MBD5: variants seen among roughly 807,000 people sequenced by gnomAD.
The protein encoded by MBD5 is methyl-CpG-binding domain protein 5.
Under a neutral mutation model 117.3 loss-of-function variants are expected in MBD5, and 13 were observed. The ratio of observed to expected loss-of-function variants is 0.11; its 90% CI spans 0.07 to 0.18. MBD5 has a LOEUF of 0.18. Among genes scored for constraint, MBD5 ranks in the 10% least tolerant of loss-of-function variants. The probability of loss-of-function intolerance (pLI) is 1.00; values close to 1 mark genes in which losing one functional copy is unlikely to be tolerated. For missense variants in MBD5, 1,879 were observed against 2,093.8 expected (o/e 0.90, Z 2.00); for synonymous variants, 727 against 766.4 (o/e 0.95, Z 0.85).
At chr2:148,500,003 T>C (rs1354618203) in intron 11 of MBD5, among the ~76,000 whole-genome samples, 2 of 152,192 alleles carry the variant, frequency 1.3e-5, no homozygotes, top group African/African-American at 4.8e-5. Context: ...TTACATTTAG[T>C]TTCAGGACTA....
intron 3 of MBD5, among the ~76,000 whole-genome samples, chr2:148,323,672 T>C (rs374627828): frequency 2.6e-5 from 4 of 152,172 alleles, no homozygotes; most frequent in Non-Finnish European, 2.9e-5. Context: ...TCATGTCCTT[T>C]GCCCACTTTT....
At chr2:148,220,556 A>G (rs1699660480) in intron 2 of MBD5, among the ~76,000 whole-genome samples, 1 of 152,164 alleles carries the variant, frequency 6.6e-6, no homozygotes, top group African/African-American at 2.4e-5. Context: ...TAAAAGCTGA[A>G]TCAGATTCAT....
intron 2 of MBD5, among the ~76,000 whole-genome samples, chr2:148,228,763 A>C (rs1032946632): frequency 1.3e-5 from 2 of 152,152 alleles, no homozygotes; most frequent in African/African-American, 4.8e-5. Flanking sequence ...TTGGTAAGCT[A>C]TTAATTATTG....
At chr2:148,298,104 A>G (rs1004090119) in intron 3 of MBD5, among the ~76,000 whole-genome samples, 1 of 152,176 alleles carries the variant, frequency 6.6e-6, no homozygotes, top group Non-Finnish European at 1.5e-5. Flanking sequence ...CCTAAGGGTG[A>G]GCTGGGGCAT....
At chr2:148,105,973 T>C (rs1257048927) in intron 1 of MBD5, among the ~76,000 whole-genome samples, 5 of 152,202 alleles carry the variant, frequency 3.3e-5, no homozygotes, top group African/African-American at 1.2e-4. Context: ...TCTAACTTAA[T>C]CTCATTATTA....
chr2:148,416,466 A>C (rs978947915), intron 4 of MBD5, among the ~76,000 whole-genome samples: 2 of 152,222 alleles, frequency 1.3e-5, no homozygotes, highest in Admixed American at 6.5e-5. Flanking sequence ...GCAGTGCAGC[A>C]GGTTGCACAC....
intron 4 of MBD5, among the ~76,000 whole-genome samples, chr2:148,415,852 C>CA (rs1705400911): frequency 6.6e-6 from 1 of 152,136 alleles, no homozygotes; most frequent in South Asian, 2.1e-4. Context: ...TTACATCTTT[C>CA]AGCTCTTCTA....
chr2:148,290,915 A>G (rs186346697), intron 3 of MBD5, among the ~76,000 whole-genome samples: 53 of 152,286 alleles, frequency 3.5e-4, no homozygotes, highest in Admixed American at 3.4e-3. Context: ...CTTTATGTTT[A>G]ACATTTGAGA....
At chr2:148,235,075 TA>T (rs1700063728) in intron 3 of MBD5, among the ~76,000 whole-genome samples, 1 of 152,150 alleles carries the variant, frequency 6.6e-6, no homozygotes, top group Admixed American at 6.6e-5. Context: ...TTTTTGCATA[TA>T]ACTCACACCT....
chr2:148,309,765 GC>G (rs1427438986), intron 3 of MBD5, among the ~76,000 whole-genome samples: 1 of 152,152 alleles, frequency 6.6e-6, no homozygotes, highest in African/African-American at 2.4e-5. Flanking sequence ...TCCAGCTTTT[GC>G]CCATTCAGTA....
chr2:148,425,311 A>G (rs567014103), intron 4 of MBD5, among the ~76,000 whole-genome samples: 1 of 152,346 alleles, frequency 6.6e-6, no homozygotes, highest in African/African-American at 2.4e-5. Context: ...TCCTGGACAC[A>G]TACACTCTCC....
chr2:148,471,490 T>C (rs2105653894), intron 8 of MBD5: 1 of 152,312 alleles, frequency 6.6e-6, no homozygotes, highest in South Asian at 2.1e-4. Context: ...AGATTGCTAC[T>C]GGGAATGAGA....
chr2:148,026,295 T>C (rs1693890536), intron 1 of MBD5: 1 of 152,184 alleles, frequency 6.6e-6, no homozygotes, highest in East Asian at 1.9e-4. Context: ...TGTACACTGG[T>C]AAGCGATGGT....
chr2:148,204,265 A>G (rs1699219708), intron 2 of MBD5, among the ~76,000 whole-genome samples: 1 of 151,970 alleles, frequency 6.6e-6, no homozygotes, highest in Non-Finnish European at 1.5e-5. Context: ...GCTAGACATC[A>G]TGGAAAGCAC....
intron 1 of MBD5, among the ~76,000 whole-genome samples, chr2:148,088,808 C>A (rs1311678013): frequency 1.3e-5 from 2 of 151,950 alleles, no homozygotes; most frequent in African/African-American, 4.8e-5. Context: ...TGAAAAAAAT[C>A]TAAGGTATTC....
chr2:148,230,491 G>A (rs1490741925), intron 2 of MBD5, among the ~76,000 whole-genome samples: 1 of 152,106 alleles, frequency 6.6e-6, no homozygotes, highest in South Asian at 2.1e-4. Flanking sequence ...CTATTCAATA[G>A]CCAAGTCCTG....
chr2:148,259,814 G>A lies in MBD5; in HGVS notation c.-680+26419G>A, dbSNP rs115684336. Among the ~76,000 whole-genome samples the A allele has an allele frequency of 9.3e-3, 1,420 of 152,270 alleles. 18 individuals are homozygous for A. Among genetic ancestry groups the A allele is most frequent in the African/African-American group, 0.033 (1,352 of 41,546 alleles). Reference sequence around the variant, plus strand: ...AGCTGTGCACCTGCACCACAAACCCGCTGAGTCATGCTGCACCAGAAGGCC... The same window carrying A: ...AGCTGTGCACCTGCACCACAAACCCACTGAGTCATGCTGCACCAGAAGGCC... On this transcript the variant is annotated intron_variant, in intron 3 of 13. Transcript: ENST00000642680.
intron 4 of MBD5, among the ~76,000 whole-genome samples, chr2:148,457,539 A>G (rs1383525390): frequency 6.6e-6 from 1 of 152,086 alleles, no homozygotes; most frequent in Non-Finnish European, 1.5e-5. Context: ...TGGCTGTTTC[A>G]AGCTAGTATG....
intron 3 of MBD5, among the ~76,000 whole-genome samples, chr2:148,323,864 A>G (rs1369210722): frequency 6.6e-6 from 1 of 152,118 alleles, no homozygotes; most frequent in Non-Finnish European, 1.5e-5. Flanking sequence ...CCATTTGTCA[A>G]TTTTGGCTTT....
Sources: allele counts gnomAD v4.1 joint callset (sites outside exome capture counted in the v4.1 genomes callset), GRCh38; gene constraint gnomAD v4.1.1; transcripts MANE v1.5; gene names NCBI Gene and HGNC (gene_info 2026-07-23, HGNC 2026-07-21).